CACNA1S: variants seen among roughly 807,000 people sequenced by gnomAD.
CACNA1S encodes calcium voltage-gated channel subunit alpha1 S.
Under a neutral mutation model 207.4 loss-of-function variants are expected in CACNA1S, and 126 were observed. The ratio of observed to expected loss-of-function variants is 0.61; its 90% CI spans 0.53 to 0.70. CACNA1S has a LOEUF of 0.70. Among genes scored for constraint, CACNA1S ranks in the 30% least tolerant of loss-of-function variants. The probability of loss-of-function intolerance (pLI) is 0.00; values close to 1 mark genes in which losing one functional copy is unlikely to be tolerated. For missense variants in CACNA1S, 2,349 were observed against 2,422.8 expected (o/e 0.97, Z 0.64); for synonymous variants, 960 against 932.7 (o/e 1.03, Z -0.53).
rs1304245235 is a variant in CACNA1S, at chr1:201,096,158, G to A, written c.259-2137C>T. Among the ~76,000 whole-genome samples, 3 of 152,212 alleles carry A rather than the reference G, an allele frequency of 2.0e-5. No homozygotes were observed. In the East Asian group the frequency reaches 5.8e-4, roughly 29 times the overall value. On this transcript the variant is annotated intron_variant, in intron 2 of 43. Coordinates refer to ENST00000362061, the MANE Select transcript of CACNA1S (RefSeq NM_000069.3). ...CTGCGGCCTGGCTCAGAGAGAGCTT[G>A]TCAGGGGCTGTGGGCTTCAGATGAG...
intron 10 of CACNA1S, among the ~76,000 whole-genome samples, chr1:201,078,318 A>G (rs1195645546): frequency 6.6e-6 from 1 of 152,050 alleles, no homozygotes; most frequent in African/African-American, 2.4e-5. Flanking sequence ...ACTTCCCAGG[A>G]TCAAGTGATC....
chr1:201,066,811 TG>T lies in CACNA1S; in HGVS notation c.2657+75del. ...TGTGGCAGGGGCCCACCAACATGGG[TG>T]GGACTCCCACTACAAAGCCCTGGCA... On this transcript the variant is annotated intron_variant, in intron 20 of 43. Transcript: ENST00000362061. This position sits in a 1 kb window ranked among gnomAD's most constrained non-coding sequence, Gnocchi z 4.3. The T allele has an allele frequency of 9.4e-7, 1 of 1,060,118 alleles. No individual in the cohort carries two copies. Among genetic ancestry groups the T allele is most frequent in the Non-Finnish European group, 1.4e-6 (1 of 709,374 alleles). 65.7% of individuals were successfully genotyped at this position (1,060,118 alleles called of 1,614,324 possible). A position where few individuals can be genotyped will look rare whatever the true frequency, so the allele number is the denominator to read the frequency against.
rs2102160639 is a variant in CACNA1S at position 201,089,428 on chromosome 1, G to A, written c.730C>T (p.Pro244Ser). Residue 244 changes from proline to serine, a missense_variant, in exon 6 of 44, where the codon CCC (proline) becomes TCC (serine). Physicochemically the swap from Pro to Ser is moderately conservative, Grantham distance 74. Transcript: ENST00000362061. ...CGCCCTGAGCCCGTCCTGGCGCAGG[G>A]CGATGGCTCTTCATTCTCCACCGTG... is the stretch of plus-strand genomic sequence containing the variant. ...VATVENEEPS[P>S]CARTGSGRRC... The A allele has an allele frequency of 6.2e-7, 1 of 1,614,130 alleles. No individual in the cohort carries two copies. The highest frequency in any genetic ancestry group is 8.5e-7 in the Non-Finnish European group (1 of 1,180,044).
chr1:201,101,707 G>A (rs1288960124), intron 2 of CACNA1S, among the ~76,000 whole-genome samples: 1 of 152,238 alleles, frequency 6.6e-6, no homozygotes, highest in Non-Finnish European at 1.5e-5. Flanking sequence ...AGGATGAACA[G>A]GGGGATCTGG....
Position 201,075,566 on chromosome 1 carries a change from G to C in CACNA1S, c.1877C>G (p.Ala626Gly), listed in dbSNP as rs772436420. Residue 626 changes from alanine (A) to glycine (G), a missense_variant, in exon 13 of 44, where the codon GCC becomes GGC. Physicochemically the swap from Ala to Gly is moderately conservative, Grantham distance 60. Coordinates refer to ENST00000362061, the MANE Select transcript of CACNA1S (RefSeq NM_000069.3). ...WTSMMYNGIM[A>G]YGGPSYPGML... ...GCCAGGGTAGGACGGCCCGCCGTAG[G>C]CCATGATCCCATTGTACATCATTGA... The C allele has an allele frequency of 6.2e-7, 1 of 1,614,140 alleles. No individual in the cohort carries two copies. The highest frequency in any genetic ancestry group is 8.5e-7 in the Non-Finnish European group (1 of 1,179,978).
At chr1:201,082,991 A>C (rs552244335) in intron 10 of CACNA1S, among the ~76,000 whole-genome samples, 171 bp downstream of exon 10, 1 of 152,340 alleles carries the variant, frequency 6.6e-6, no homozygotes, top group African/African-American at 2.4e-5. Flanking sequence ...ACCCCCGTGA[A>C]AGGAGCTGAT....
Position 201,078,110 on chromosome 1 carries a change from G to A in CACNA1S, c.1394-6C>T. ...CAGCACCCGGTTGGCAATGTCTGTA[G>A]GGTTGGTGGCACAGCCCCGGCATCA... On this transcript the variant is annotated splice_region_variant and splice_polypyrimidine_tract_variant and intron_variant, in intron 10 of 43. Coordinates refer to ENST00000362061, the MANE Select transcript of CACNA1S (RefSeq NM_000069.3). The A allele has an allele frequency of 1.2e-6, 2 of 1,609,772 alleles. No homozygotes were observed. The highest frequency in any genetic ancestry group is 1.7e-4 in the Middle Eastern group (1 of 6,058).
At chr1:201,108,736 C>G (rs1472732696) in intron 2 of CACNA1S, among the ~76,000 whole-genome samples, 1 of 152,170 alleles carries the variant, frequency 6.6e-6, no homozygotes, top group Non-Finnish European at 1.5e-5. Context: ...CCATGGAAAC[C>G]AGCATAAAGG....
intron 9 of CACNA1S, among the ~76,000 whole-genome samples, chr1:201,084,321 A>G (rs1011243950): frequency 6.6e-6 from 1 of 152,180 alleles, no homozygotes; most frequent in African/African-American, 2.4e-5. Flanking sequence ...TGTGTGCAAG[A>G]CGGATGAAAG....
intron 1 of CACNA1S, 72 bp from the exon 2 acceptor site, chr1:201,110,341 A>C: frequency 7.6e-7 from 1 of 1,308,988 alleles, no homozygotes; most frequent in Admixed American, 1.7e-5. Context: ...GAGGGCGCTG[A>C]GGGTCAGTCT....
At chr1:201,074,453 G>A (rs1661533824) in intron 14 of CACNA1S, 53 bp downstream of exon 14, 1 of 1,132,538 alleles carries the variant, frequency 8.8e-7, no homozygotes, top group Admixed American at 1.8e-5. Flanking sequence ...GAGCTGGAAG[G>A]CCATGGCCAC....
chr1:201,112,200 A>T lies in CACNA1S; in HGVS notation c.140T>A (p.Ile47Asn), dbSNP rs372497364. 35 of 1,612,942 alleles carry T rather than the reference A, an allele frequency of 2.2e-5. No homozygotes were observed. Among genetic ancestry groups the T allele is most frequent in the Non-Finnish European group, 1.7e-6 (2 of 1,179,560 alleles). The change falls in exon 1 of 44, where the codon ATT becomes AAT. Residue 47 changes from isoleucine to asparagine, a missense_variant. Physicochemically the swap from Ile to Asn is moderately radical, Grantham distance 149. Coordinates refer to ENST00000362061, the MANE Select transcript of CACNA1S (RefSeq NM_000069.3). The stretch of plus-strand genomic sequence containing the variant: ...CCCTGAAGGATACTTCCATTCTACA[A>T]TGCTGATGCAGGCCTTCCTCAGGGG... ...ENPLRKACIS[I>N]VEWKPFETII...
intron 10 of CACNA1S, among the ~76,000 whole-genome samples, chr1:201,079,448 C>A (rs1003800939): frequency 6.6e-6 from 1 of 152,126 alleles, no homozygotes. Context: ...TTCTGTGGTG[C>A]CACATCCTTC....
intron 7 of CACNA1S, among the ~76,000 whole-genome samples, 184 bp downstream of exon 7, chr1:201,087,642 G>T (rs940850438): frequency 6.6e-6 from 1 of 152,056 alleles, no homozygotes; most frequent in Non-Finnish European, 1.5e-5. Context: ...CCAGGGATGA[G>T]CCGAGGGCCT....
In CACNA1S at chr1:201,051,059, T is replaced by C. The variant is rs1387111124; in HGVS notation, c.4038A>G (p.Pro1346=). Residue 1346 remains proline, a synonymous_variant, in exon 33 of 44, where the codon CCA becomes CCG. Transcript: ENST00000362061. ...KLCDPESDYA[P]GEEYTCGTNF... The stretch of plus-strand genomic sequence containing the variant: ...TGGTGCCACATGTGTACTCCTCCCC[T>C]GGGGCATAGTCCGACTCTGGGTCAC... The C allele has an allele frequency of 1.2e-6, 2 of 1,614,196 alleles. No individual in the cohort carries two copies. The highest frequency in any genetic ancestry group is 1.7e-6 in the Non-Finnish European group (2 of 1,180,012).
intron 12 of CACNA1S, 94 bp downstream of exon 12, chr1:201,076,826 T>C: frequency 8.6e-7 from 1 of 1,164,940 alleles, no homozygotes; most frequent in Non-Finnish European, 1.3e-6. Context: ...AGACAAGGCT[T>C]CCTGGAGAAG....
intron 22 of CACNA1S, among the ~76,000 whole-genome samples, chr1:201,064,330 G>A (rs539513084): frequency 1.3e-5 from 2 of 152,292 alleles, no homozygotes; most frequent in South Asian, 4.2e-4. Flanking sequence ...CTGGCAGAGT[G>A]GCCAGACACA....
At position 201,053,571 on chromosome 1, in the gene CACNA1S, G is replaced by T. The variant is rs1660733980; in HGVS notation, c.3683C>A (p.Ala1228Asp). ...GCGGAAGAAGGCGCTGGAGATGCGG[G>T]CACTCTCATCTGGGTCCTGCGGGGC... is the stretch of plus-strand genomic sequence containing the variant. Reference protein sequence around the residue: ...GCGNVDPDESARISSAFFRLF... With the variant: ...GCGNVDPDESDRISSAFFRLF... The change falls in exon 30 of 44, where the codon GCC becomes GAC. Residue 1228 changes from alanine (A) to aspartate (D), a missense_variant. Physicochemically the swap from Ala to Asp is moderately radical, Grantham distance 126 (BLOSUM62 -2). Coordinates refer to ENST00000362061, the MANE Select transcript of CACNA1S (RefSeq NM_000069.3). The surrounding 1 kb of genome is among the most constrained non-coding windows in gnomAD (Gnocchi z 5.1). 1.2e-6 allele frequency: 2 copies of T among 1,613,642 alleles called. No individual in the cohort carries two copies. The highest frequency in any genetic ancestry group is 1.7e-6 in the Non-Finnish European group (2 of 1,179,860).
chr1:201,075,695 C>T (rs1661588273), intron 12 of CACNA1S, 80 bp from the exon 13 acceptor site: 2 of 1,473,688 alleles, frequency 1.4e-6, no homozygotes, highest in Middle Eastern at 1.8e-4. Flanking sequence ...GACCGAAGTT[C>T]TCCTCCAACT....
Sources: allele counts gnomAD v4.1 joint callset (sites outside exome capture counted in the v4.1 genomes callset), GRCh38; gene constraint gnomAD v4.1.1; non-coding constraint Gnocchi (gnomAD v3.1); transcripts MANE v1.5; gene names NCBI Gene and HGNC (gene_info 2026-07-23, HGNC 2026-07-21).